SLC2A10: variants seen among roughly 807,000 people sequenced by gnomAD.
SLC2A10 encodes solute carrier family 2 member 10, also known as solute carrier family 2, facilitated glucose transporter member 10.
A neutral mutation model predicts 32.1 loss-of-function variants in SLC2A10; 25 were observed. The observed-to-expected ratio is 0.78, with a 90% CI of 0.57 to 1.09. The LOEUF (loss-of-function observed/expected upper bound fraction) is 1.09. Ranked by LOEUF, SLC2A10 falls within the 50% of genes least tolerant of loss-of-function variation. The pLI is 0.00. For missense variants in SLC2A10, 673 were observed against 686.5 expected, an observed-to-expected ratio of 0.98 and a Z score of 0.22; for synonymous variants, 332 against 309.6, an observed-to-expected ratio of 1.07 and a Z score of -0.76.
intron 1 of SLC2A10, among the ~76,000 whole-genome samples, chr20:46,711,533 A>G (rs180705709): frequency 7.0e-4 from 106 of 152,278 alleles, no homozygotes; most frequent in Non-Finnish European, 1.2e-3. Context: ...CTTCTTAAGG[A>G]CACTCAGCTT....
At chr20:46,724,969 G>A in intron 1 of SLC2A10, 72 bp from the exon 2 acceptor site, 1 of 1,605,382 alleles carries the variant, frequency 6.2e-7, no homozygotes, top group Admixed American at 1.7e-5. Context: ...GACAGATGGA[G>A]GGAAGGTTGA....
chr20:46,713,796 C>T (rs1177819098), intron 1 of SLC2A10, among the ~76,000 whole-genome samples: 2 of 152,190 alleles, frequency 1.3e-5, no homozygotes, highest in Non-Finnish European at 2.9e-5. Flanking sequence ...TCACTGGGTT[C>T]CTCTTGGGTG....
intron 1 of SLC2A10, among the ~76,000 whole-genome samples, chr20:46,712,558 C>G (rs1458665214): frequency 6.6e-6 from 1 of 151,938 alleles, no homozygotes; most frequent in Non-Finnish European, 1.5e-5. Flanking sequence ...AGGATGCACA[C>G]TTGCTAAACT....
chr20:46,723,321 C>T (rs187333761), intron 1 of SLC2A10, among the ~76,000 whole-genome samples: 8 of 152,236 alleles, frequency 5.3e-5, no homozygotes, highest in Non-Finnish European at 8.8e-5. Context: ...CCTCCTCACC[C>T]TCTTCTTGGA....
At position 46,725,960 on chromosome 20, in the gene SLC2A10, C is replaced by T. The variant is rs377173165; in HGVS notation, c.924C>T (p.Ala308=). ...ALLLAGCALM[A]LSVSGIGLVS... is the part of the protein sequence containing the mutation. The stretch of plus-strand genomic sequence containing the variant: ...TGCTAGCTGGCTGTGCCCTCATGGC[C>T]CTGTCCGTCAGTGGCATAGGCCTCG... The change falls in exon 2 of 5, where the codon GCC becomes GCT. Residue 308 remains alanine (A), a synonymous_variant. Coordinates refer to ENST00000359271, the MANE Select transcript of SLC2A10 (RefSeq NM_030777.4). 6.3e-5 allele frequency: 102 copies of T among 1,613,768 alleles called. No individual in the cohort carries two copies. The highest frequency in any genetic ancestry group is 7.6e-5 in the Non-Finnish European group (90 of 1,180,050).
chr20:46,729,623 GAGT>G, intron 4 of SLC2A10, 135 bp downstream of exon 4: 5 of 436,110 alleles, frequency 1.1e-5, no homozygotes, highest in Non-Finnish European at 1.5e-5. Flanking sequence ...TGGGCACTAT[GAGT>G]TTTTTTTTTT....
At chr20:46,715,576 G>A (rs1245860208) in intron 1 of SLC2A10, among the ~76,000 whole-genome samples, 1 of 152,148 alleles carries the variant, frequency 6.6e-6, no homozygotes, top group East Asian at 1.9e-4. Flanking sequence ...GCCAGGGAGT[G>A]GCAAGGGCTC....
intron 4 of SLC2A10, among the ~76,000 whole-genome samples, chr20:46,729,768 G>A (rs1050408941): frequency 1.5e-4 from 23 of 150,136 alleles, no homozygotes; most frequent in Non-Finnish European, 2.8e-4. Flanking sequence ...CAGCCTCTCC[G>A]AGTAGCTGGG....
Position 46,729,376 on chromosome 20 carries a change from T to G in SLC2A10, c.1435T>G (p.Phe479Val). ...LIGTIGLSWT[F>V]LLYGLTAVLG... The stretch of plus-strand genomic sequence containing the variant: ...AGGCACCATCGGCTTGTCCTGGACC[T>G]TCCTGCTCTACGGACTGACCGCTGT... Residue 479 changes from phenylalanine to valine, a missense_variant, in exon 4 of 5, where the codon TTC becomes GTC. Transcript: ENST00000359271. 1 of 1,613,866 alleles carries G rather than the reference T, an allele frequency of 6.2e-7. No individual in the cohort carries two copies. The highest frequency in any genetic ancestry group is 8.5e-7 in the Non-Finnish European group (1 of 1,179,978).
chr20:46,711,541 C>T (rs1258704079), intron 1 of SLC2A10, among the ~76,000 whole-genome samples: 1 of 152,216 alleles, frequency 6.6e-6, no homozygotes, highest in Non-Finnish European at 1.5e-5. Flanking sequence ...GGACACTCAG[C>T]TTAGCCCTAG....
At chr20:46,716,026 A>G (rs1979216764) in intron 1 of SLC2A10, among the ~76,000 whole-genome samples, 1 of 151,976 alleles carries the variant, frequency 6.6e-6, no homozygotes, top group African/African-American at 2.4e-5. Context: ...TAGAGACAGG[A>G]TCTTGCTATG....
upstream of SLC2A10, chr20:46,709,409 TC>T (rs967203767): frequency 6.6e-5 from 27 of 408,390 alleles, no homozygotes; most frequent in African/African-American, 2.5e-4. Flanking sequence ...TGCTGGTGTG[TC>T]CCCCCCAGGG....
chr20:46,721,833 G>A (rs1979572024), intron 1 of SLC2A10, among the ~76,000 whole-genome samples: 1 of 152,194 alleles, frequency 6.6e-6, no homozygotes, highest in South Asian at 2.1e-4. Flanking sequence ...AGACCCACTT[G>A]CTCATCCCTA....
At position 46,729,273 on chromosome 20, in the gene SLC2A10, C is replaced by G. The variant is rs544791749; in HGVS notation, c.1412-80C>G. 12 of 1,583,048 alleles carry G rather than the reference C, an allele frequency of 7.6e-6. 1 individual carries two copies. In the African/African-American group the frequency reaches 1.3e-4, roughly 18 times the overall value. Reference sequence around the variant, plus strand: ...GAGTGAACTGACTTTCCATGCCTGACCTAGAACCTACCAGTTGGCCCAGGC... The same window carrying G: ...GAGTGAACTGACTTTCCATGCCTGAGCTAGAACCTACCAGTTGGCCCAGGC... On this transcript the variant is annotated intron_variant, in intron 3 of 4. Coordinates refer to ENST00000359271, the MANE Select transcript of SLC2A10 (RefSeq NM_030777.4).
upstream of SLC2A10, chr20:46,709,647 T>C: frequency 6.8e-7 from 1 of 1,476,906 alleles, no homozygotes; most frequent in Non-Finnish European, 9.1e-7. Flanking sequence ...GCCGGAAAGT[T>C]TGTCCGGCGG....
intron 2 of SLC2A10, 61 bp from the exon 3 acceptor site, chr20:46,726,803 T>G (rs1979988569): frequency 1.2e-6 from 2 of 1,611,918 alleles, no homozygotes; most frequent in African/African-American, 2.7e-5. Flanking sequence ...ATGTTTGACC[T>G]GATGGTGCCA....
intron 1 of SLC2A10, among the ~76,000 whole-genome samples, chr20:46,723,149 C>G (rs1158900873): frequency 1.3e-5 from 2 of 152,164 alleles, no homozygotes; most frequent in Non-Finnish European, 2.9e-5. Context: ...CATTCTTCTT[C>G]TATATTTCCA....
Position 46,725,977 on chromosome 20 carries a change from T to G in SLC2A10, c.941T>G (p.Ile314Arg). 6.2e-7 allele frequency: 1 copy of G among 1,613,910 alleles called. No homozygotes were observed. Residue 314 changes from isoleucine to arginine, a missense_variant, in exon 2 of 5, where the codon ATA (isoleucine) becomes AGA (arginine). Transcript: ENST00000359271. ...CALMALSVSG[I>R]GLVSFAVPMD... ...CTCATGGCCCTGTCCGTCAGTGGCATAGGCCTCGTCAGCTTTGCCGTGCCC... is the reference window on the plus strand; with the variant it reads ...CTCATGGCCCTGTCCGTCAGTGGCAGAGGCCTCGTCAGCTTTGCCGTGCCC...
At chr20:46,715,233 C>CGTTT (rs11472342) in intron 1 of SLC2A10, among the ~76,000 whole-genome samples, 33,517 of 151,152 alleles carry the variant, frequency 0.22, 5,835 homozygotes, top group African/African-American at 0.48. Flanking sequence ...TTTTATTTCA[C>CGTTT]GTTTGTTTGT....
Sources: gnomAD v4.1 joint callset for allele counts (sites outside exome capture counted in the v4.1 genomes callset) on GRCh38, gnomAD v4.1.1 for gene constraint, MANE v1.5 for transcripts, NCBI Gene and HGNC (gene_info 2026-07-23, HGNC 2026-07-21) for gene names.